The following MDFIC variants were observed in gnomAD, a reference collection of about 807,000 sequenced individuals.
MDFIC encodes the protein myoD family inhibitor domain-containing protein.
In MDFIC, 17 loss-of-function variants were observed where a neutral mutation model predicts 23.2. The ratio of observed to expected loss-of-function variants is 0.73; its 90% confidence interval spans 0.50 to 1.10. The LOEUF is 1.10. MDFIC is among the 50% of genes least tolerant of loss of function. MDFIC has a pLI of 0.00. For synonymous variants in MDFIC, 120 were observed against 115.2 expected, an observed-to-expected ratio of 1.04 and a Z score of -0.27; for missense variants, 356 against 316.6, an observed-to-expected ratio of 1.12 and a Z score of -0.95.
intron 3 of MDFIC, among the ~76,000 whole-genome samples, chr7:114,953,190 T>G (rs1296181710): frequency 6.6e-6 from 1 of 152,210 alleles, no homozygotes; most frequent in Non-Finnish European, 1.5e-5. Context: ...TTACATCTTT[T>G]AAATAACAAG....
At chr7:114,989,194 G>T (rs1247642337) in intron 4 of MDFIC, among the ~76,000 whole-genome samples, 4 of 152,158 alleles carry the variant, frequency 2.6e-5, no homozygotes, top group African/African-American at 7.2e-5. Flanking sequence ...GGCAGGGAAA[G>T]AATGTTTTAA....
chr7:115,010,820 C>T (rs1289490104), intron 4 of MDFIC, among the ~76,000 whole-genome samples: 1 of 152,186 alleles, frequency 6.6e-6, no homozygotes, highest in Non-Finnish European at 1.5e-5. Context: ...GACATCATCT[C>T]CTTCCACACT....
intron 3 of MDFIC, among the ~76,000 whole-genome samples, chr7:114,966,266 A>G (rs1793093887): frequency 1.3e-5 from 2 of 152,318 alleles, no homozygotes; most frequent in East Asian, 1.9e-4. Flanking sequence ...TTATCAAAGT[A>G]AATTCCCAAA....
chr7:114,956,111 A>G (rs1344511050), intron 3 of MDFIC, among the ~76,000 whole-genome samples: 1 of 152,150 alleles, frequency 6.6e-6, no homozygotes, highest in African/African-American at 2.4e-5. Context: ...GAATCATAGG[A>G]GAGGAGACAG....
chr7:114,970,827 C>G (rs1389807422), intron 3 of MDFIC, among the ~76,000 whole-genome samples: 1 of 152,064 alleles, frequency 6.6e-6, no homozygotes, highest in Admixed American at 6.6e-5. Flanking sequence ...GTCTCAGATC[C>G]CTGGCTACCA....
intron 4 of MDFIC, among the ~76,000 whole-genome samples, chr7:114,989,324 A>T (rs1268882688): frequency 1.3e-5 from 2 of 152,166 alleles, no homozygotes; most frequent in African/African-American, 4.8e-5. Context: ...CCTTATTAAG[A>T]GTTGTTTTCA....
chr7:114,964,465 A>G (rs537069231), intron 3 of MDFIC, among the ~76,000 whole-genome samples: 99 of 151,442 alleles, frequency 6.5e-4, no homozygotes, highest in South Asian at 1.7e-3. Flanking sequence ...GTTTCTTTCT[A>G]TTCTTCCTTG....
At chr7:114,923,705 C>T (rs1792137420) in intron 2 of MDFIC, 1 of 1,329,452 alleles carries the variant, frequency 7.5e-7, no homozygotes, top group Admixed American at 3.1e-5. Context: ...AAAGTGTAAA[C>T]ACACACAGCC....
chr7:114,950,486 A>G (rs1165730337), intron 3 of MDFIC, among the ~76,000 whole-genome samples: 1 of 152,210 alleles, frequency 6.6e-6, no homozygotes, highest in Non-Finnish European at 1.5e-5. Context: ...CAAGAAGGGC[A>G]TCATAAATAA....
chr7:114,982,540 A>G (rs1043480533), intron 4 of MDFIC, among the ~76,000 whole-genome samples: 1 of 151,972 alleles, frequency 6.6e-6, no homozygotes, highest in Non-Finnish European at 1.5e-5. Flanking sequence ...AAAGAAAAAA[A>G]AAAATCTACC....
At chr7:114,937,459 A>G (rs1021703640) in intron 2 of MDFIC, among the ~76,000 whole-genome samples, 1 of 152,206 alleles carries the variant, frequency 6.6e-6, no homozygotes, top group Admixed American at 6.5e-5. Flanking sequence ...CCTTGTGTAT[A>G]TGAGAGTTTG....
Position 114,922,549 on chromosome 7 carries a change from CG to C in MDFIC, c.-194del. 7.9e-7 allele frequency: 1 copy of C among 1,266,380 alleles called. No homozygotes were observed. Among genetic ancestry groups the C allele is most frequent in the East Asian group, 3.0e-5 (1 of 32,962 alleles). 78.4% of individuals were successfully genotyped at this position (1,266,380 alleles called of 1,614,324 possible). A position where few individuals can be genotyped will look rare whatever the true frequency, so the allele number is the denominator to read the frequency against. On this transcript the variant is annotated 5_prime_UTR_variant, in exon 1 of 5. The change abolishes the stop of an existing upstream ORF in the 5' untranslated region. Coordinates refer to ENST00000393486, the MANE Select transcript of MDFIC (RefSeq NM_001166345.3). ...CAGGCCACCGGGGCGAAAATGCGGC[CG>C]CTGCCGGAGGCTCGCTAACTTTCCG...
rs549947360 is a variant in MDFIC at position 114,984,839 on chromosome 7, C to A, written c.493+5058C>A. Among the ~76,000 whole-genome samples, 5 of 152,212 alleles carry A rather than the reference C, an allele frequency of 3.3e-5. No homozygotes were observed. In the East Asian group the frequency reaches 7.7e-4, roughly 23 times the overall value. On this transcript the variant is annotated intron_variant, in intron 4 of 4. Coordinates refer to ENST00000393486, the MANE Select transcript of MDFIC (RefSeq NM_001166345.3). ...TATTTTTGTAAAAATTAAGTTCTAA[C>A]AAAATGCTTTTAAAGAAATTTTATA...
intron 2 of MDFIC, among the ~76,000 whole-genome samples, chr7:114,936,704 G>A (rs924162613): frequency 3.3e-5 from 5 of 152,178 alleles, no homozygotes; most frequent in African/African-American, 1.2e-4. Flanking sequence ...AACTAGCTGA[G>A]CTGCAGAGGA....
chr7:114,962,382 A>G (rs188171990), intron 3 of MDFIC, among the ~76,000 whole-genome samples: 72 of 152,360 alleles, frequency 4.7e-4, no homozygotes, highest in African/African-American at 1.7e-3. Context: ...GGCTATATTA[A>G]TAGAAAATAA....
Position 114,973,101 on chromosome 7 carries a change from G to GTGTATATA in MDFIC, c.218-6404_218-6403insGTATATAT, listed in dbSNP as rs367602602. ...GGCAGTTTATGTATCGTGTGTGTGT[G>GTGTATATA]TATATATATATATATATATATGAAT... is the stretch of plus-strand genomic sequence containing the variant. On this transcript the variant is annotated intron_variant, in intron 3 of 4. Transcript: ENST00000393486. 7.0e-3 allele frequency among the ~76,000 whole-genome samples: 1,035 copies of GTGTATATA among 147,726 alleles called. 12 individuals carry two copies. Among genetic ancestry groups the GTGTATATA allele is most frequent in the African/African-American group, 0.024 (984 of 40,232 alleles).
At chr7:115,000,948 A>T (rs1040875449) in intron 4 of MDFIC, among the ~76,000 whole-genome samples, 2 of 152,110 alleles carry the variant, frequency 1.3e-5, no homozygotes, top group Non-Finnish European at 2.9e-5. Context: ...TTCCCATGGG[A>T]TTTTAATTGA....
chr7:114,963,399 C>G (rs557541320), intron 3 of MDFIC, among the ~76,000 whole-genome samples: 15 of 152,284 alleles, frequency 9.9e-5, no homozygotes, highest in African/African-American at 3.6e-4. Context: ...CAGGGCTTTG[C>G]AGGTGTTGTT....
rs10269887 is a variant in MDFIC, at chr7:114,965,895, C to T, written c.218-13611C>T. On this transcript the variant is annotated intron_variant, in intron 3 of 4. Transcript: ENST00000393486. Reference sequence around the variant, plus strand: ...TTTCTTAGTTTTGCTTCTGTTTTCCCCAGAAGAGTACTTTGGTTAAAATGT... The same window carrying T: ...TTTCTTAGTTTTGCTTCTGTTTTCCTCAGAAGAGTACTTTGGTTAAAATGT... Among the ~76,000 whole-genome samples, 600 of 152,144 alleles carry T rather than the reference C, an allele frequency of 3.9e-3. 3 individuals are homozygous for T. Among genetic ancestry groups the T allele is most frequent in the African/African-American group, 0.013 (550 of 41,496 alleles).
Sources: gnomAD v4.1 joint callset for allele counts (sites outside exome capture counted in the v4.1 genomes callset) on GRCh38, gnomAD v4.1.1 for gene constraint, MANE v1.5 for transcripts, NCBI Gene and HGNC (gene_info 2026-07-23, HGNC 2026-07-21) for gene names.